The following GRHPR variants were observed in gnomAD, a reference collection of about 807,000 sequenced individuals.
GRHPR encodes the protein glyoxylate reductase/hydroxypyruvate reductase.
A neutral mutation model predicts 36.8 loss-of-function variants in GRHPR; 35 were observed. That is an observed-to-expected ratio of 0.95 (90% confidence interval 0.73 to 1.26). The LOEUF (loss-of-function observed/expected upper bound fraction) is 1.26, where lower values mean the gene tolerates loss of function less well. Ranked by LOEUF, GRHPR falls within the 50% of genes most tolerant of loss-of-function variation. GRHPR has a pLI of 0.00. For synonymous variants in GRHPR, 179 were observed against 181.0 expected (o/e 0.99, Z 0.09); for missense variants, 380 against 435.0 (o/e 0.87, Z 1.12).
chr9:37,422,663 C>T, upstream of GRHPR: 2 of 1,074,560 alleles, frequency 1.9e-6, no homozygotes, highest in Non-Finnish European at 2.8e-6. Context: ...GTCTCTCCCG[C>T]CCACTCCAGC....
intron 3 of GRHPR, 128 bp from the exon 4 acceptor site, chr9:37,426,410 T>G: frequency 1.3e-6 from 1 of 785,392 alleles, no homozygotes; most frequent in Non-Finnish European, 2.3e-6. Context: ...TGAGTGCTCA[T>G]TTATAGTTCT....
downstream of GRHPR, among the ~76,000 whole-genome samples, chr9:37,437,259 C>CA (rs1249140636): frequency 3.3e-5 from 5 of 152,120 alleles, no homozygotes; most frequent in Non-Finnish European, 4.4e-5. Context: ...GACACCGTTT[C>CA]AAAAAAAACT....
intron 3 of GRHPR, chr9:37,426,323 C>A: frequency 3.2e-6 from 2 of 633,018 alleles, no homozygotes; most frequent in Non-Finnish European, 2.9e-6. Flanking sequence ...TTGTTCAGTC[C>A]CTGAACCCTG....
At position 37,436,833 on chromosome 9, in the gene GRHPR, C is replaced by T; in HGVS notation, c.*51C>T. 6.2e-7 allele frequency: 1 copy of T among 1,601,564 alleles called. No individual in the cohort carries two copies. On this transcript the variant is annotated 3_prime_UTR_variant, in exon 9 of 9. Transcript: ENST00000318158. ...GAAGCAAACCGTGCCCTGGTATTGT[C>T]AGACACACCCAGGCTTGATTTGGAT...
chr9:37,434,257 A>C (rs1287865108), intron 8 of GRHPR: 1 of 418,708 alleles, frequency 2.4e-6, no homozygotes, highest in Non-Finnish European at 4.2e-6. Context: ...AACACAGCTG[A>C]TGACCCCAGT....
intron 7 of GRHPR, chr9:37,431,231 G>C (rs1224145783): frequency 1.1e-5 from 4 of 350,514 alleles, no homozygotes; most frequent in Middle Eastern, 8.7e-4. Context: ...TTAGGGGAAG[G>C]GGGATTGGGT....
At chr9:37,430,420 T>C in intron 6 of GRHPR, 91 bp from the exon 7 acceptor site, 1 of 1,103,152 alleles carries the variant, frequency 9.1e-7, no homozygotes, top group Non-Finnish European at 1.4e-6. Flanking sequence ...GGAGTTTCTG[T>C]TAGGGAGTCG....
chr9:37,433,101 A>G (rs1321670872), intron 8 of GRHPR, among the ~76,000 whole-genome samples: 1 of 152,178 alleles, frequency 6.6e-6, no homozygotes, highest in Non-Finnish European at 1.5e-5. Context: ...AACCAGCCCC[A>G]TTGAGCCCTG....
At chr9:37,427,494 T>TA (rs1021564288) in intron 4 of GRHPR, among the ~76,000 whole-genome samples, 1 of 152,158 alleles carries the variant, frequency 6.6e-6, no homozygotes, top group African/African-American at 2.4e-5. Flanking sequence ...CAAACAGTTT[T>TA]AAAATCTAGC....
At chr9:37,435,712 C>A (rs1436989836) in intron 8 of GRHPR, among the ~76,000 whole-genome samples, 3 of 152,036 alleles carry the variant, frequency 2.0e-5, no homozygotes, top group African/African-American at 7.3e-5. Context: ...GCAACAAAGA[C>A]CCTATTACAA....
chr9:37,422,711 C>G lies in GRHPR; in HGVS notation c.-40C>G. On this transcript the variant is annotated 5_prime_UTR_variant, in exon 1 of 9. Coordinates refer to ENST00000318158, the MANE Select transcript of GRHPR (RefSeq NM_012203.2). The stretch of plus-strand genomic sequence containing the variant: ...CGGCCCAGCTACATTCCCGGGCCAG[C>G]TTCTGTACTGCCAGGTCCGGGTCGG... 2 of 1,479,330 alleles carry G rather than the reference C, an allele frequency of 1.4e-6. No individual in the cohort carries two copies. Among genetic ancestry groups the G allele is most frequent in the Non-Finnish European group, 1.9e-6 (2 of 1,080,642 alleles). 91.6% of individuals were successfully genotyped at this position (1,479,330 alleles called of 1,614,324 possible). A position where few individuals can be genotyped will look rare whatever the true frequency, so the allele number is the denominator to read the frequency against.
chr9:37,425,127 G>C, intron 2 of GRHPR, 152 bp downstream of exon 2: 1 of 758,692 alleles, frequency 1.3e-6, no homozygotes, highest in South Asian at 1.7e-5. Context: ...AGCTTGCTCT[G>C]GCACAGGCAC....
intron 8 of GRHPR, 87 bp downstream of exon 8, chr9:37,432,225 C>G: frequency 7.6e-7 from 1 of 1,323,656 alleles, no homozygotes; most frequent in Admixed American, 1.8e-5. Flanking sequence ...GGGTGTGGAG[C>G]TAGTGTGAGC....
chr9:37,429,888 C>G, intron 6 of GRHPR, 52 bp downstream of exon 6: 1 of 1,072,200 alleles, frequency 9.3e-7, no homozygotes, highest in Non-Finnish European at 1.5e-6. Context: ...AGTTGAGAGG[C>G]TGTATTTTCT....
At chr9:37,434,278 G>C (rs567572545) in intron 8 of GRHPR, 327 of 442,150 alleles carry the variant, frequency 7.4e-4, no homozygotes, top group Middle Eastern at 3.4e-3. Flanking sequence ...GATCCCTATG[G>C]GGGGAGCACG....
At chr9:37,430,441 G>C in intron 6 of GRHPR, 70 bp from the exon 7 acceptor site, 1 of 1,343,986 alleles carries the variant, frequency 7.4e-7, no homozygotes, top group African/African-American at 1.4e-5. Context: ...GGAGCAAGGG[G>C]CTGGTCTCCC....
intron 6 of GRHPR, 129 bp from the exon 7 acceptor site, chr9:37,430,382 A>C: frequency 7.5e-6 from 6 of 798,864 alleles, no homozygotes; most frequent in Non-Finnish European, 1.3e-5. Flanking sequence ...TTGTCCAGGT[A>C]GAGACTCGGC....
At chr9:37,423,166 CTTTT>C (rs111508809) in intron 1 of GRHPR, among the ~76,000 whole-genome samples, 1 of 137,040 alleles carries the variant, frequency 7.3e-6, no homozygotes, top group Non-Finnish European at 1.6e-5. Flanking sequence ...ATTTACTTAT[CTTTT>C]TTTTTTTTTT....
At chr9:37,433,248 T>C (rs1482476441) in intron 8 of GRHPR, among the ~76,000 whole-genome samples, 3 of 150,624 alleles carry the variant, frequency 2.0e-5, no homozygotes, top group Non-Finnish European at 4.4e-5. Flanking sequence ...TTTTTTTTTT[T>C]TTTGAGACAG....
Sources: allele counts gnomAD v4.1 joint callset (sites outside exome capture counted in the v4.1 genomes callset), GRCh38; gene constraint gnomAD v4.1.1; transcripts MANE v1.5; gene names NCBI Gene and HGNC (gene_info 2026-07-23, HGNC 2026-07-21).